CACNA1C: variants seen among roughly 807,000 people sequenced by gnomAD.
The protein encoded by CACNA1C is voltage-dependent L-type calcium channel subunit alpha-1C.
Under a neutral mutation model 229.0 loss-of-function variants are expected in CACNA1C, and 30 were observed. The ratio of observed to expected loss-of-function variants is 0.13; its 90% CI spans 0.10 to 0.18. The LOEUF (loss-of-function observed/expected upper bound fraction) is 0.18. Among genes scored for constraint, CACNA1C ranks in the 10% least tolerant of loss-of-function variants. The pLI, the probability that CACNA1C is intolerant of heterozygous loss-of-function variation, is 1.00. For synonymous variants in CACNA1C, 1,114 were observed against 1,132.5 expected (o/e 0.98, Z 0.33); for missense variants, 1,658 against 2,845.0 (o/e 0.58, Z 9.49).
At position 2,669,046 on chromosome 12, in the gene CACNA1C, C is replaced by T. The variant is rs1374175587; in HGVS notation, c.4726+11C>T. Reference sequence around the variant, plus strand: ...GGATCAAAACAGAAGGTAAGGTCGCCCGTGGGCACTGGGAGAGACACTCAG... The same window carrying T: ...GGATCAAAACAGAAGGTAAGGTCGCTCGTGGGCACTGGGAGAGACACTCAG... On this transcript the variant is annotated intron_variant, in intron 38 of 46. Coordinates refer to ENST00000399655, the MANE Select transcript of CACNA1C (RefSeq NM_000719.7). 6.4e-7 allele frequency: 1 copy of T among 1,571,402 alleles called. No individual in the cohort carries two copies. The highest frequency in any genetic ancestry group is 1.4e-5 in the African/African-American group (1 of 74,022).
intron 3 of CACNA1C, among the ~76,000 whole-genome samples, chr12:2,376,107 TG>T (rs1401444679): frequency 6.6e-6 from 1 of 152,220 alleles, no homozygotes; most frequent in African/African-American, 2.4e-5. Flanking sequence ...TGAAATGACA[TG>T]GTTGCTCAGT....
chr12:2,441,796 T>C (rs568483415), intron 3 of CACNA1C, among the ~76,000 whole-genome samples: 25 of 152,370 alleles, frequency 1.6e-4, no homozygotes, highest in Admixed American at 4.6e-4. Context: ...GTGTATTCTC[T>C]GTCCACACTC....
At chr12:2,046,831 A>G (rs765123) in intron 1 of CACNA1C, among the ~76,000 whole-genome samples, 53,382 of 151,890 alleles carry the variant, frequency 0.35, 11,341 homozygotes, top group East Asian at 0.66. Context: ...GATCTGGTCC[A>G]TCCTATGGCT....
At chr12:2,139,665 C>T (rs2093941299) in intron 3 of CACNA1C, among the ~76,000 whole-genome samples, 2 of 151,226 alleles carry the variant, frequency 1.3e-5, no homozygotes, top group Non-Finnish European at 3.0e-5. Context: ...CCTGAGGGAC[C>T]GTGGCATGTG....
Position 2,089,717 on chromosome 12 carries a change from A to T in CACNA1C, c.50-25507A>T, listed in dbSNP as rs1469202699. ...TGTTAAATATATTGTTGTGGAACAC[A>T]TCTCCAGAACTTTTTCATCTTGAAA... On this transcript the variant is annotated intron_variant, in intron 1 of 46. Coordinates refer to ENST00000399655, the MANE Select transcript of CACNA1C (RefSeq NM_000719.7). Among the ~76,000 whole-genome samples, 3 of 152,262 alleles carry T rather than the reference A, an allele frequency of 2.0e-5. No individual in the cohort carries two copies. The East Asian group carries it at 5.8e-4, about 29-fold the overall frequency.
chr12:2,043,642 C>CTTTTTTTTT (rs67625680), intron 1 of CACNA1C, among the ~76,000 whole-genome samples: 2 of 91,382 alleles, frequency 2.2e-5, no homozygotes, highest in Non-Finnish European at 4.0e-5. Context: ...ACAGAATATT[C>CTTTTTTTTT]TTTTTTTTTT....
At chr12:2,269,540 A>T (rs180925013) in intron 3 of CACNA1C, among the ~76,000 whole-genome samples, 18 of 152,334 alleles carry the variant, frequency 1.2e-4, no homozygotes, top group Non-Finnish European at 2.4e-4. Context: ...GTGATTATCT[A>T]CTTAGGACAG....
chr12:2,159,638 C>T (rs1486908378), intron 3 of CACNA1C, among the ~76,000 whole-genome samples: 1 of 136,872 alleles, frequency 7.3e-6, no homozygotes, highest in Non-Finnish European at 1.5e-5. Context: ...GAGTTTCGCT[C>T]TCATTGCCCA....
intron 2 of CACNA1C, among the ~76,000 whole-genome samples, chr12:2,116,797 G>C (rs887734191): frequency 3.9e-5 from 6 of 151,910 alleles, no homozygotes; most frequent in Non-Finnish European, 7.3e-5. Context: ...GGTACTGACT[G>C]TGGGAATTTT....
chr12:2,651,548 G>A lies in CACNA1C; in HGVS notation c.3946-92G>A. On this transcript the variant is annotated intron_variant, in intron 31 of 46. Coordinates refer to ENST00000399655, the MANE Select transcript of CACNA1C (RefSeq NM_000719.7). The surrounding 1 kb of genome is among the most constrained non-coding windows in gnomAD (Gnocchi z 5.4). Reference sequence around the variant, plus strand: ...AAACCCTGGCCTGCCTTCCGCCACTGCCACTGAGGTCTGTATTTCTCGGAG... The same window carrying A: ...AAACCCTGGCCTGCCTTCCGCCACTACCACTGAGGTCTGTATTTCTCGGAG... 2 of 1,601,158 alleles carry A rather than the reference G, an allele frequency of 1.2e-6. No homozygotes were observed. Among genetic ancestry groups the A allele is most frequent in the Non-Finnish European group, 8.5e-7 (1 of 1,169,902 alleles).
chr12:2,470,440 A>G (rs2099585121), intron 5 of CACNA1C, among the ~76,000 whole-genome samples: 1 of 152,242 alleles, frequency 6.6e-6, no homozygotes, highest in Non-Finnish European at 1.5e-5. Flanking sequence ...ATGAAGATCC[A>G]GTGAGGCCAG....
rs1385156034 is a variant in CACNA1C at position 2,602,986 on chromosome 12, T to TA, written c.2960+1027dup. Among the ~76,000 whole-genome samples the TA allele has an allele frequency of 2.0e-5, 3 of 152,156 alleles. No individual in the cohort carries two copies. ...CACTTGCTCAAGGTCACACCTGTGG[T>TA]AGAGAAAGGCCTAAGTCCCAGCGTT... On this transcript the variant is annotated intron_variant, in intron 22 of 46. Coordinates refer to ENST00000399655, the MANE Select transcript of CACNA1C (RefSeq NM_000719.7). This position sits in a 1 kb window ranked among gnomAD's most constrained non-coding sequence, Gnocchi z 4.4.
Position 1,971,227 on chromosome 12 carries a change from G to C in CACNA1C, c.139+26G>C. 1 of 1,246,148 alleles carries C rather than the reference G, an allele frequency of 8.0e-7. No homozygotes were observed. The highest frequency in any genetic ancestry group is 1.3e-5 in the South Asian group (1 of 79,658). 77.2% of individuals were successfully genotyped at this position (1,246,148 alleles called of 1,614,324 possible). On this transcript the variant is annotated intron_variant, in intron 1 of 46. Coordinates refer to the CACNA1C transcript ENST00000682462. This position sits in a 1 kb window ranked among gnomAD's most constrained non-coding sequence, Gnocchi z 4.2. ...GTAAGAAACCCTAAAGTGAAATAAA[G>C]AGTAGGAAGAACATGTTGAAATTTA...
intron 13 of CACNA1C, among the ~76,000 whole-genome samples, chr12:2,581,105 A>G (rs1219137390): frequency 6.6e-6 from 1 of 152,172 alleles, no homozygotes; most frequent in Admixed American, 6.5e-5. Flanking sequence ...GGTGGGGGAA[A>G]AAAAGCTTTC....
At chr12:2,399,291 G>A (rs1236824061) in intron 3 of CACNA1C, among the ~76,000 whole-genome samples, 1 of 152,190 alleles carries the variant, frequency 6.6e-6, no homozygotes, top group East Asian at 1.9e-4. Flanking sequence ...TGTTAAACCA[G>A]GTCAGTGGAG....
rs570024378 is a variant in CACNA1C, at chr12:2,175,463, C to T, written c.477+55033C>T. The stretch of plus-strand genomic sequence containing the variant: ...TCATCCTCCATGTTTTCTGTGACCT[C>T]GGAGTTAGATTCAGGTTCCGTTTGT... On this transcript the variant is annotated intron_variant, in intron 3 of 46. Coordinates refer to ENST00000399655, the MANE Select transcript of CACNA1C (RefSeq NM_000719.7). Among the ~76,000 whole-genome samples the T allele has an allele frequency of 1.5e-3, 220 of 151,656 alleles. 4 individuals carry two copies. The highest frequency in any genetic ancestry group is 0.014 in the South Asian group (65 of 4,772).
At chr12:2,064,803 TA>T (rs2154519847) in intron 1 of CACNA1C, among the ~76,000 whole-genome samples, 1 of 152,276 alleles carries the variant, frequency 6.6e-6, no homozygotes, top group Admixed American at 6.5e-5. Flanking sequence ...TCATTTTACC[TA>T]AGAGTGATAA....
At chr12:2,175,966 G>C (rs1235302988) in intron 3 of CACNA1C, among the ~76,000 whole-genome samples, 1 of 152,150 alleles carries the variant, frequency 6.6e-6, no homozygotes, top group African/African-American at 2.4e-5. Context: ...GAACAAAACA[G>C]ATAAAAATCC....
chr12:2,166,150 A>G (rs1253568587), intron 3 of CACNA1C, among the ~76,000 whole-genome samples: 1 of 152,192 alleles, frequency 6.6e-6, no homozygotes, highest in Non-Finnish European at 1.5e-5. Flanking sequence ...TCAGCTTTCC[A>G]GTCCCATTAG....
Sources: gnomAD v4.1 joint callset for allele counts (sites outside exome capture counted in the v4.1 genomes callset) on GRCh38, gnomAD v4.1.1 for gene constraint, Gnocchi (gnomAD v3.1) non-coding constraint, MANE v1.5 for transcripts, NCBI Gene and HGNC (gene_info 2026-07-23, HGNC 2026-07-21) for gene names.